CNTN6: variants seen among roughly 807,000 people sequenced by gnomAD.
The protein encoded by CNTN6 is contactin-6.
A neutral mutation model predicts 122.8 loss-of-function variants in CNTN6; 137 were observed. The ratio of observed to expected loss-of-function variants is 1.12; its 90% CI spans 0.97 to 1.29. The LOEUF (loss-of-function observed/expected upper bound fraction) is 1.29. CNTN6 is among the 50% of genes most tolerant of loss of function. The pLI, the probability that CNTN6 is intolerant of heterozygous loss-of-function variation, is 0.00. For missense variants in CNTN6, 1,634 were observed against 1,223.4 expected (o/e 1.34, Z -5.01); for synonymous variants, 570 against 426.0 (o/e 1.34, Z -4.16).
intron 4 of CNTN6, among the ~76,000 whole-genome samples, chr3:1,250,782 T>G (rs1170027647): frequency 6.6e-6 from 1 of 152,164 alleles, no homozygotes; most frequent in Non-Finnish European, 1.5e-5. Flanking sequence ...CTGACTGTGT[T>G]GCTTCAACTG....
intron 7 of CNTN6, among the ~76,000 whole-genome samples, chr3:1,300,928 G>A (rs1237996284): frequency 1.3e-5 from 2 of 150,776 alleles, no homozygotes; most frequent in Admixed American, 6.6e-5. Flanking sequence ...AATAAATAAA[G>A]CAGTGTCTTA....
At chr3:1,280,528 G>C (rs1020138931) in intron 5 of CNTN6, among the ~76,000 whole-genome samples, 3 of 132,254 alleles carry the variant, frequency 2.3e-5, no homozygotes, top group African/African-American at 5.9e-5. Context: ...GCAGTGGCTC[G>C]ATCTTGGCTC....
Position 1,191,453 on chromosome 3 carries a change from A to G in CNTN6, c.56-29234A>G, listed in dbSNP as rs143540990. On this transcript the variant is annotated intron_variant, in intron 2 of 22. Coordinates refer to ENST00000446702, the MANE Select transcript of CNTN6 (RefSeq NM_001289080.2). ...ATGAGGTTTGGAAAGTTTCTGGGTT[A>G]CAAATGCATCCATGTGCCAGGTGGG... 2.4e-4 allele frequency among the ~76,000 whole-genome samples: 36 copies of G among 152,310 alleles called. No individual in the cohort carries two copies. The East Asian group carries it at 6.7e-3, about 29-fold the overall frequency.
At chr3:1,151,112 A>G (rs559398424) in intron 2 of CNTN6, among the ~76,000 whole-genome samples, 1 of 152,302 alleles carries the variant, frequency 6.6e-6, no homozygotes, top group South Asian at 2.1e-4. Flanking sequence ...ACTCTAAGAA[A>G]ATAAATATGT....
At chr3:1,182,319 CA>C (rs2093566657) in intron 2 of CNTN6, among the ~76,000 whole-genome samples, 1 of 152,118 alleles carries the variant, frequency 6.6e-6, no homozygotes, top group African/African-American at 2.4e-5. Context: ...CTCCAGATTT[CA>C]AGGAGGTACT....
chr3:1,359,998 G>A (rs1431644740), intron 12 of CNTN6, among the ~76,000 whole-genome samples: 1 of 151,960 alleles, frequency 6.6e-6, no homozygotes, highest in African/African-American at 2.4e-5. Flanking sequence ...ACGCTCCATT[G>A]CCTAACTCCA....
intron 4 of CNTN6, among the ~76,000 whole-genome samples, chr3:1,273,187 C>T (rs542149334): frequency 2.6e-5 from 4 of 152,314 alleles, no homozygotes; most frequent in African/African-American, 9.6e-5. Context: ...TCATTAACAG[C>T]AACCAGCACT....
At chr3:1,313,269 T>G (rs1296119300) in intron 7 of CNTN6, among the ~76,000 whole-genome samples, 2 of 152,092 alleles carry the variant, frequency 1.3e-5, no homozygotes, top group African/African-American at 2.4e-5. Context: ...CTTGAAATAG[T>G]GGGCTTCAAT....
intron 12 of CNTN6, among the ~76,000 whole-genome samples, chr3:1,370,135 A>G (rs982358988): frequency 6.6e-6 from 1 of 152,088 alleles, no homozygotes; most frequent in Admixed American, 6.5e-5. Context: ...GATCCAAAAA[A>G]AAGAAAGAAC....
intron 2 of CNTN6, among the ~76,000 whole-genome samples, chr3:1,218,609 C>A (rs927279792): frequency 6.6e-6 from 1 of 152,054 alleles, no homozygotes; most frequent in Non-Finnish European, 1.5e-5. Flanking sequence ...GGGAAGTGAG[C>A]AAATGCATAA....
At chr3:1,247,605 C>T (rs565406607) in intron 4 of CNTN6, among the ~76,000 whole-genome samples, 4 of 152,120 alleles carry the variant, frequency 2.6e-5, no homozygotes, top group East Asian at 1.9e-4. Context: ...AGGCAAAGAG[C>T]GGTACATATC....
intron 5 of CNTN6, among the ~76,000 whole-genome samples, chr3:1,288,598 C>T (rs1253659098): frequency 1.3e-5 from 2 of 152,160 alleles, no homozygotes; most frequent in Non-Finnish European, 2.9e-5. Context: ...TTATTCTACT[C>T]ATTTATTTTC....
chr3:1,279,940 C>G (rs947083322), intron 5 of CNTN6, among the ~76,000 whole-genome samples: 1 of 152,110 alleles, frequency 6.6e-6, no homozygotes, highest in African/African-American at 2.4e-5. Context: ...GCTTTTAATG[C>G]TATATTGAGA....
chr3:1,263,986 A>G (rs1453714698), intron 4 of CNTN6, among the ~76,000 whole-genome samples: 2 of 151,842 alleles, frequency 1.3e-5, no homozygotes, highest in East Asian at 2.0e-4. Flanking sequence ...AGAAGAAACA[A>G]GAAGACCAAG....
intron 5 of CNTN6, among the ~76,000 whole-genome samples, chr3:1,293,456 A>C (rs1392373397): frequency 6.6e-6 from 1 of 152,122 alleles, no homozygotes; most frequent in Non-Finnish European, 1.5e-5. Context: ...ACTTTTGGGA[A>C]TTTAAATTTA....
chr3:1,339,359 G>T (rs1017741034), intron 11 of CNTN6, among the ~76,000 whole-genome samples: 1 of 152,064 alleles, frequency 6.6e-6, no homozygotes, highest in African/African-American at 2.4e-5. Context: ...AGTGTGACTT[G>T]CCAAACGATT....
intron 12 of CNTN6, among the ~76,000 whole-genome samples, chr3:1,368,605 A>G (rs769385717): frequency 7.9e-5 from 12 of 152,136 alleles, no homozygotes; most frequent in Non-Finnish European, 1.8e-4. Context: ...ATCAATTGAA[A>G]ATGAAGTTGC....
At chr3:1,346,875 A>C (rs1320718002) in intron 11 of CNTN6, among the ~76,000 whole-genome samples, 1 of 152,148 alleles carries the variant, frequency 6.6e-6, no homozygotes. Flanking sequence ...TTCTGTTCAT[A>C]ATGACCCATC....
chr3:1,387,670 G>C (rs561701012), intron 20 of CNTN6, among the ~76,000 whole-genome samples: 3 of 152,152 alleles, frequency 2.0e-5, no homozygotes, highest in Non-Finnish European at 4.4e-5. Context: ...CTCACTAGGG[G>C]GTGCCAGACA....
Sources: allele counts gnomAD v4.1 joint callset (sites outside exome capture counted in the v4.1 genomes callset), GRCh38; gene constraint gnomAD v4.1.1; transcripts MANE v1.5; gene names NCBI Gene and HGNC (gene_info 2026-07-23, HGNC 2026-07-21).